The following UNC5D variants were observed in gnomAD, a reference collection of about 807,000 sequenced individuals.
The protein encoded by UNC5D is unc-5 netrin receptor D, also known as netrin receptor UNC5D.
UNC5D carries 39 observed loss-of-function variants against 105.4 expected under a neutral mutation model. The observed-to-expected ratio is 0.37, with a 90% confidence interval of 0.29 to 0.48. The LOEUF is 0.48. Ranked by LOEUF, UNC5D falls within the 20% of genes least tolerant of loss-of-function variation. UNC5D has a pLI of 0.98. For missense variants in UNC5D, 991 were observed against 1,202.4 expected (o/e 0.82, Z 2.60); for synonymous variants, 452 against 450.4 (o/e 1.00, Z -0.04).
chr8:35,321,312 T>C (rs1220122184), intron 1 of UNC5D, among the ~76,000 whole-genome samples: 1 of 152,128 alleles, frequency 6.6e-6, no homozygotes, highest in East Asian at 1.9e-4. Context: ...TTACCTTGAA[T>C]TGTAATCCCC....
chr8:35,671,209 T>G (rs1024933396), intron 4 of UNC5D, among the ~76,000 whole-genome samples: 1 of 152,192 alleles, frequency 6.6e-6, no homozygotes, highest in Non-Finnish European at 1.5e-5. Flanking sequence ...AGTGTCTCTC[T>G]TATATTTGTT....
At chr8:35,528,204 A>G (rs1034890245) in intron 1 of UNC5D, among the ~76,000 whole-genome samples, 1 of 109,778 alleles carries the variant, frequency 9.1e-6, no homozygotes, top group East Asian at 2.6e-4. Context: ...CGCTCCCCCC[A>G]CCCCACCACA....
intron 4 of UNC5D, among the ~76,000 whole-genome samples, chr8:35,624,494 G>T (rs1290814840): frequency 6.6e-6 from 1 of 152,078 alleles, no homozygotes; most frequent in Non-Finnish European, 1.5e-5. Flanking sequence ...TGCACAAAAG[G>T]CCTGAGCTTT....
Position 35,235,557 on chromosome 8 carries a change from G to C in UNC5D, c.-228G>C. ...GGGCGACTCCGGCATCCGCGCTGGC[G>C]GCAGCGGTCGCCGCGCCGTGGGAAG... On this transcript the variant is annotated 5_prime_UTR_variant, in exon 1 of 17. Transcript: ENST00000404895. 3 of 368,932 alleles carry C rather than the reference G, an allele frequency of 8.1e-6. No homozygotes were observed. The allele number at this position is 368,932 out of a possible 1,614,324, so 22.9% of individuals were successfully genotyped here.
chr8:35,751,077 A>T (rs1023794056), intron 13 of UNC5D, among the ~76,000 whole-genome samples: 8 of 152,160 alleles, frequency 5.3e-5, no homozygotes, highest in African/African-American at 1.9e-4. Context: ...CAAGAATTTA[A>T]GGATCACTGT....
chr8:35,784,662 TG>T (rs1248893351), intron 16 of UNC5D, among the ~76,000 whole-genome samples: 1 of 152,030 alleles, frequency 6.6e-6, no homozygotes, highest in Admixed American at 6.6e-5. Context: ...GCATAAGAAT[TG>T]CTGAAACCTG....
In UNC5D at chr8:35,674,240, T is replaced by C. The variant is rs188180607; in HGVS notation, c.571-9307T>C. 1.5e-3 allele frequency among the ~76,000 whole-genome samples: 227 copies of C among 152,304 alleles called. 2 individuals carry two copies. Among genetic ancestry groups the C allele is most frequent in the African/African-American group, 5.2e-3 (218 of 41,562 alleles). On this transcript the variant is annotated intron_variant, in intron 4 of 16. Transcript: ENST00000404895. ...TTTTCAAAATTTTCTTTAATGGTGA[T>C]AAGTTTCTGTATTTCAATGTAATTT...
At chr8:35,394,591 TAA>T (rs879268811) in intron 1 of UNC5D, among the ~76,000 whole-genome samples, 4 of 142,378 alleles carry the variant, frequency 2.8e-5, no homozygotes, top group Admixed American at 2.1e-4. Context: ...TTTCATTTTG[TAA>T]AAAAAAAAAA....
chr8:35,391,517 C>A (rs1038573001), intron 1 of UNC5D, among the ~76,000 whole-genome samples: 3 of 152,024 alleles, frequency 2.0e-5, no homozygotes, highest in African/African-American at 7.3e-5. Context: ...GGTCCATGCC[C>A]CCAGTCTTCA....
intron 3 of UNC5D, among the ~76,000 whole-genome samples, chr8:35,570,383 A>C (rs1423038492): frequency 6.6e-6 from 1 of 152,184 alleles, no homozygotes; most frequent in African/African-American, 2.4e-5. Context: ...TGCCTGGTTC[A>C]TAGAATTATT....
chr8:35,612,413 G>A (rs1289772471), intron 4 of UNC5D, among the ~76,000 whole-genome samples: 3 of 152,094 alleles, frequency 2.0e-5, no homozygotes, highest in African/African-American at 7.2e-5. Context: ...GGGTGACAGG[G>A]TGGGGTGGGT....
chr8:35,661,692 G>A (rs997473954), intron 4 of UNC5D, among the ~76,000 whole-genome samples: 2 of 152,164 alleles, frequency 1.3e-5, no homozygotes, highest in African/African-American at 2.4e-5. Context: ...AGGACTTCCT[G>A]TCAGCTTGGA....
intron 1 of UNC5D, among the ~76,000 whole-genome samples, chr8:35,342,177 A>C (rs1479686533): frequency 4.6e-5 from 7 of 152,028 alleles, no homozygotes; most frequent in African/African-American, 1.7e-4. Context: ...AATAATATAA[A>C]ACTCAGTGAT....
chr8:35,700,572 G>A (rs939526680), intron 7 of UNC5D, among the ~76,000 whole-genome samples: 1 of 152,124 alleles, frequency 6.6e-6, no homozygotes, highest in African/African-American at 2.4e-5. Flanking sequence ...GAAATAATCA[G>A]AAATCCATCT....
At chr8:35,646,429 A>G (rs926232635) in intron 4 of UNC5D, among the ~76,000 whole-genome samples, 1 of 152,016 alleles carries the variant, frequency 6.6e-6, no homozygotes, top group Non-Finnish European at 1.5e-5. Context: ...GCCTGTCCCT[A>G]TTTCTTTCTG....
intron 3 of UNC5D, among the ~76,000 whole-genome samples, chr8:35,578,654 T>G (rs547086639): frequency 1.3e-5 from 2 of 152,336 alleles, no homozygotes; most frequent in South Asian, 4.1e-4. Context: ...GGTTAATCAA[T>G]TTTTCTCCTT....
chr8:35,705,495 G>A (rs1827515763), intron 7 of UNC5D, among the ~76,000 whole-genome samples: 1 of 152,190 alleles, frequency 6.6e-6, no homozygotes, highest in Non-Finnish European at 1.5e-5. Flanking sequence ...TCCAGTCTGT[G>A]ATCACTGCAA....
intron 3 of UNC5D, among the ~76,000 whole-genome samples, chr8:35,587,552 C>T (rs868564752): frequency 2.4e-4 from 37 of 152,062 alleles, no homozygotes; most frequent in African/African-American, 7.2e-4. Context: ...ATAAACAGAA[C>T]CAGTGAAAAG....
chr8:35,770,881 TC>T (rs1379494030), intron 15 of UNC5D, among the ~76,000 whole-genome samples: 1 of 152,186 alleles, frequency 6.6e-6, no homozygotes, highest in African/African-American at 2.4e-5. Context: ...GATTTACAAC[TC>T]CCTTAGCTTA....
Sources: allele counts gnomAD v4.1 joint callset (sites outside exome capture counted in the v4.1 genomes callset), GRCh38; gene constraint gnomAD v4.1.1; transcripts MANE v1.5; gene names NCBI Gene and HGNC (gene_info 2026-07-23, HGNC 2026-07-21).